Variants in SVEP1 observed in about 807,000 individuals in gnomAD.
SVEP1 encodes sushi, von Willebrand factor type A, EGF and pentraxin domain-containing protein 1.
Under a neutral mutation model 367.3 loss-of-function variants are expected in SVEP1, and 164 were observed. The ratio of observed to expected loss-of-function variants is 0.45; its 90% CI spans 0.39 to 0.51. The LOEUF is 0.51. Ranked by LOEUF, SVEP1 falls within the 20% of genes least tolerant of loss-of-function variation. The pLI is 0.00. For synonymous variants in SVEP1, 1,666 were observed against 1,611.6 expected (o/e 1.03, Z -0.81); for missense variants, 4,117 against 4,425.3 (o/e 0.93, Z 1.98).
intron 5 of SVEP1, among the ~76,000 whole-genome samples, chr9:110,511,771 T>C (rs1829720164): frequency 6.6e-6 from 1 of 152,068 alleles, no homozygotes; most frequent in South Asian, 2.1e-4. Flanking sequence ...AACATAGATG[T>C]CTCCTGGGAT....
At chr9:110,562,857 T>A (rs1251284497) in intron 1 of SVEP1, among the ~76,000 whole-genome samples, 1 of 151,958 alleles carries the variant, frequency 6.6e-6, no homozygotes, top group Non-Finnish European at 1.5e-5. Flanking sequence ...ACCCGGCCAA[T>A]TTTTTTGTAT....
At position 110,443,540 on chromosome 9, in the gene SVEP1, C is replaced by T; in HGVS notation, c.4639+5G>A. 1 of 1,595,374 alleles carries T rather than the reference C, an allele frequency of 6.3e-7. No individual in the cohort carries two copies. Among genetic ancestry groups the T allele is most frequent in the Admixed American group, 1.7e-5 (1 of 57,306 alleles). ...CAGAATTATACTCATTTTGTTAAAACATACCAGGTATGGGCAAACCAACAG... is the reference window on the plus strand; with the variant it reads ...CAGAATTATACTCATTTTGTTAAAATATACCAGGTATGGGCAAACCAACAG... On this transcript the variant is annotated splice_donor_5th_base_variant and intron_variant, in intron 27 of 47. Transcript: ENST00000374469.
intron 3 of SVEP1, among the ~76,000 whole-genome samples, chr9:110,540,462 A>G (rs1037264741): frequency 1.2e-4 from 19 of 152,130 alleles, no homozygotes; most frequent in Non-Finnish European, 2.2e-4. Context: ...AACAACAACA[A>G]CAGCAAAATA....
intron 12 of SVEP1, 55 bp from the exon 13 acceptor site, chr9:110,479,811 T>C: frequency 6.4e-7 from 1 of 1,568,698 alleles, no homozygotes; most frequent in South Asian, 1.2e-5. Context: ...AAAACAAAGA[T>C]TTGACTTTCT....
intron 42 of SVEP1, among the ~76,000 whole-genome samples, chr9:110,386,644 C>T (rs10980356): frequency 0.27 from 41,553 of 151,934 alleles, 6,305 homozygotes; most frequent in Middle Eastern, 0.48. Context: ...GTTATAGGCC[C>T]GAGGGAAACA....
chr9:110,370,425 T>A (rs1469613944), intron 46 of SVEP1, among the ~76,000 whole-genome samples: 1 of 152,172 alleles, frequency 6.6e-6, no homozygotes, highest in African/African-American at 2.4e-5. Context: ...CTCAAGATTG[T>A]AAATTCCTCG....
At chr9:110,379,579 C>T in intron 43 of SVEP1, 62 bp from the exon 44 acceptor site, 1 of 1,507,286 alleles carries the variant, frequency 6.6e-7, no homozygotes, top group South Asian at 1.2e-5. Flanking sequence ...AACACAGTCT[C>T]ATCTCTCAGA....
chr9:110,370,198 C>G (rs1016518527), intron 46 of SVEP1, among the ~76,000 whole-genome samples, 182 bp from the exon 47 acceptor site: 2 of 151,992 alleles, frequency 1.3e-5, no homozygotes, highest in African/African-American at 4.8e-5. Context: ...GTGGTACCAC[C>G]TCCCTTTTTC....
chr9:110,542,603 A>G lies in SVEP1; in HGVS notation c.964+3512T>C, dbSNP rs1048845820. The stretch of plus-strand genomic sequence containing the variant: ...AAAATAAAATTTAATAACACATAAC[A>G]TTGTTGGCAATTACAAACTGATTTT... On this transcript the variant is annotated intron_variant, in intron 3 of 47. Coordinates refer to ENST00000374469, the MANE Select transcript of SVEP1 (RefSeq NM_153366.4). 6.9e-4 allele frequency among the ~76,000 whole-genome samples: 105 copies of G among 152,206 alleles called. 1 individual carries two copies. The highest frequency in any genetic ancestry group is 6.9e-3 in the Admixed American group (105 of 15,276).
chr9:110,503,069 G>C lies in SVEP1; in HGVS notation c.1452C>G (p.Ser484Arg). The C allele has an allele frequency of 6.2e-7, 1 of 1,607,798 alleles. No individual in the cohort carries two copies. The highest frequency in any genetic ancestry group is 1.1e-5 in the South Asian group (1 of 90,866). The change falls in exon 6 of 48, where the codon AGC becomes AGG. Residue 484 changes from serine to arginine, a missense_variant. Ser to Arg is a moderately radical substitution (Grantham distance 110). Coordinates refer to ENST00000374469, the MANE Select transcript of SVEP1 (RefSeq NM_153366.4). ...GSDKLTCQGN[S>R]QWDGPEPRCV... is the part of the protein sequence containing the mutation. The stretch of plus-strand genomic sequence containing the variant: ...ACCGGGGTTCTGGCCCATCCCACTG[G>C]CTGTTTCCTTGACAAGTAAGCTTAT...
At chr9:110,574,743 C>CTTTTTTT (rs1163833465) in intron 1 of SVEP1, among the ~76,000 whole-genome samples, 2 of 84,788 alleles carry the variant, frequency 2.4e-5, no homozygotes, top group Non-Finnish European at 4.8e-5. Context: ...AGTCGACCTT[C>CTTTTTTT]TTTTTTTTTT....
intron 36 of SVEP1, among the ~76,000 whole-genome samples, chr9:110,425,714 T>G (rs1221164248): frequency 6.6e-6 from 1 of 152,244 alleles, no homozygotes; most frequent in Non-Finnish European, 1.5e-5. Flanking sequence ...AAAACTCATC[T>G]TACTATATCT....
chr9:110,500,718 A>T (rs972291972), intron 6 of SVEP1, among the ~76,000 whole-genome samples: 3 of 151,964 alleles, frequency 2.0e-5, no homozygotes, highest in Admixed American at 6.6e-5. Context: ...AGTTAAATAA[A>T]TTTTTTTTCC....
At chr9:110,535,483 T>C (rs933318398) in intron 3 of SVEP1, among the ~76,000 whole-genome samples, 15 of 152,272 alleles carry the variant, frequency 9.9e-5, no homozygotes, top group African/African-American at 3.6e-4. Flanking sequence ...TTTCTTAGGA[T>C]TGTCTTGGCT....
At chr9:110,375,533 C>G in intron 45 of SVEP1, 70 bp from the exon 46 acceptor site, 1 of 1,349,688 alleles carries the variant, frequency 7.4e-7, no homozygotes, top group Non-Finnish European at 1.0e-6. Context: ...AAGTACACAT[C>G]TTAGATAGGT....
chr9:110,490,709 T>C (rs1022821377), intron 8 of SVEP1, among the ~76,000 whole-genome samples: 3 of 152,114 alleles, frequency 2.0e-5, no homozygotes, highest in Non-Finnish European at 4.4e-5. Context: ...ATGGTAACAA[T>C]TCATATTCCC....
chr9:110,483,572 C>T lies in SVEP1; in HGVS notation c.2038+14G>A. On this transcript the variant is annotated intron_variant, in intron 10 of 47. Coordinates refer to ENST00000374469, the MANE Select transcript of SVEP1 (RefSeq NM_153366.4). ...ATTGCTACTATGCTGACAACAAAGTCCTTGTCACCTCACCTGAGTTGTCTG... is the reference window on the plus strand; with the variant it reads ...ATTGCTACTATGCTGACAACAAAGTTCTTGTCACCTCACCTGAGTTGTCTG... 1 of 1,589,026 alleles carries T rather than the reference C, an allele frequency of 6.3e-7. No homozygotes were observed. Among genetic ancestry groups the T allele is most frequent in the Non-Finnish European group, 8.6e-7 (1 of 1,167,408 alleles).
Position 110,530,839 on chromosome 9 carries a change from T to C in SVEP1, c.964+15276A>G, listed in dbSNP as rs1830009593. Among the ~76,000 whole-genome samples, 5 of 152,152 alleles carry C rather than the reference T, an allele frequency of 3.3e-5. No individual in the cohort carries two copies. The South Asian group carries it at 8.3e-4, about 25-fold the overall frequency. On this transcript the variant is annotated intron_variant, in intron 3 of 47. Transcript: ENST00000374469. ...GGTGTGAGCCACCGTGCCCAGTCTT[T>C]ATTCATATATCAGGATCAGTAAAAT...
At position 110,432,519 on chromosome 9, in the gene SVEP1, A is replaced by G; in HGVS notation, c.5176T>C (p.Ser1726Pro). The G allele has an allele frequency of 6.2e-7, 1 of 1,613,910 alleles. No homozygotes were observed. Among genetic ancestry groups the G allele is most frequent in the Non-Finnish European group, 8.5e-7 (1 of 1,179,808 alleles). Residue 1726 changes from serine (S) to proline (P), a missense_variant, in exon 31 of 48, where the codon TCA (serine) becomes CCA (proline). Ser to Pro is a moderately conservative substitution (Grantham distance 74). Around this residue, in one of 4 missense-constraint regions of SVEP1, gnomAD observed 2,174 missense variants for 2,494.3 expected, o/e 0.87. Transcript: ENST00000374469. ...CNNGYYLLGD[S>P]RMFCTDNGSW... ...CCATTATCTGTACAGAACATCCTTG[A>G]GTCACCCAATAGATAGTAGCCATTG...
Sources: allele counts gnomAD v4.1 joint callset (sites outside exome capture counted in the v4.1 genomes callset), GRCh38; gene constraint gnomAD v4.1.1; regional missense constraint gnomAD v4.1.1; transcripts MANE v1.5; gene names NCBI Gene and HGNC (gene_info 2026-07-23, HGNC 2026-07-21).